The following DNAH7 variants were observed in gnomAD, a reference collection of about 807,000 sequenced individuals.
DNAH7 encodes the protein dynein axonemal heavy chain 7, also known as axonemal beta dynein heavy chain 7.
A neutral mutation model predicts 444.6 loss-of-function variants in DNAH7; 397 were observed. The observed-to-expected ratio is 0.89, with a 90% CI of 0.82 to 0.97. The LOEUF (loss-of-function observed/expected upper bound fraction) is 0.97, where lower values mean the gene tolerates loss of function less well. Among genes scored for constraint, DNAH7 ranks in the 50% least tolerant of loss-of-function variants. The probability of loss-of-function intolerance (pLI) is 0.00; values close to 1 mark genes in which losing one functional copy is unlikely to be tolerated. For synonymous variants in DNAH7, 1,636 were observed against 1,624.4 expected (o/e 1.01, Z -0.17); for missense variants, 4,902 against 4,800.8 (o/e 1.02, Z -0.62).
In DNAH7 at chr2:195,816,850, T is replaced by C. The variant is rs771253571; in HGVS notation, c.9539A>G (p.Asn3180Ser). The change falls in exon 51 of 65, where the codon AAT becomes AGT. Residue 3180 changes from asparagine (N) to serine (S), a missense_variant. By Grantham distance (46) the Asn-to-Ser change is conservative (BLOSUM62 1). Coordinates refer to ENST00000312428, the MANE Select transcript of DNAH7 (RefSeq NM_018897.3). ...TACTTCCTGCTTCTGAGAAATCTCA[T>C]TAGCCAAGGCCTTGGAGGAAGATAA... is the stretch of plus-strand genomic sequence containing the variant. ...KILSSSKALA[N>S]EISQKQEVAE... 6.2e-7 allele frequency: 1 copy of C among 1,614,156 alleles called. No individual in the cohort carries two copies. Among genetic ancestry groups the C allele is most frequent in the Non-Finnish European group, 8.5e-7 (1 of 1,180,008 alleles).
At position 195,881,859 on chromosome 2, in the gene DNAH7, G is replaced by T. The variant is rs1189729793; in HGVS notation, c.5897C>A (p.Thr1966Asn). 6.2e-7 allele frequency: 1 copy of T among 1,613,982 alleles called. No individual in the cohort carries two copies. Among genetic ancestry groups the T allele is most frequent in the African/African-American group, 1.3e-5 (1 of 75,044 alleles). ...AAATATTGAAGGCTTTTGATGGGTG[G>T]TCAGCAATTCCATTAATGCAGAGTA... ...IRYSALMELL[T>N]THQKPSIFVG... Residue 1966 changes from threonine (T) to asparagine (N), a missense_variant, in exon 36 of 65, where the codon ACC becomes AAC. Physicochemically the swap from Thr to Asn is moderately conservative, Grantham distance 65 (BLOSUM62 0). Transcript: ENST00000312428.
At chr2:196,022,249 C>T (rs1695429030) in intron 8 of DNAH7, among the ~76,000 whole-genome samples, 1 of 152,194 alleles carries the variant, frequency 6.6e-6, no homozygotes, top group Non-Finnish European at 1.5e-5. Flanking sequence ...TGGCTTCTAA[C>T]TAACCAAGCT....
chr2:195,811,698 T>C (rs1163042533), intron 51 of DNAH7, among the ~76,000 whole-genome samples: 2 of 152,122 alleles, frequency 1.3e-5, no homozygotes, highest in Non-Finnish European at 2.9e-5. Context: ...CAATGGTATG[T>C]ATATTGTGCA....
chr2:196,051,098 G>C lies in DNAH7; in HGVS notation c.141+89C>G, dbSNP rs1047486066. 61 of 1,148,130 alleles carry C rather than the reference G, an allele frequency of 5.3e-5. No homozygotes were observed. The Middle Eastern group carries it at 1.5e-3, about 29-fold the overall frequency. The allele number at this position is 1,148,130 out of a possible 1,614,324, so 71.1% of individuals were successfully genotyped here. On this transcript the variant is annotated intron_variant, in intron 3 of 64. Coordinates refer to ENST00000312428, the MANE Select transcript of DNAH7 (RefSeq NM_018897.3). ...CATCAGAAAAGAATCAAATGGAGCA[G>C]GAATTTGCTTACTTATTTTCAAGTT...
At position 195,796,714 on chromosome 2, in the gene DNAH7, G is replaced by T; in HGVS notation, c.10377C>A (p.Ser3459Arg). 2 of 1,614,092 alleles carry T rather than the reference G, an allele frequency of 1.2e-6. No homozygotes were observed. The highest frequency in any genetic ancestry group is 1.7e-6 in the Non-Finnish European group (2 of 1,179,966). The change falls in exon 56 of 65, where the codon AGC becomes AGA. Residue 3459 changes from serine to arginine, a missense_variant. Transcript: ENST00000312428. ...CTTGGCCTTGACCAAGAGATAAAGA[G>T]CTAAGTTTTGATCCCCCATATCCCT... ...DDQGYGGSKL[S>R]SLSLGQGQGP...
chr2:196,031,452 T>C (rs1575064269), intron 5 of DNAH7, among the ~76,000 whole-genome samples: 2 of 152,376 alleles, frequency 1.3e-5, no homozygotes, highest in Middle Eastern at 3.4e-3. Context: ...TTGATACTTA[T>C]GCAAATTTCT....
At chr2:195,943,804 A>G (rs1689624163) in intron 19 of DNAH7, among the ~76,000 whole-genome samples, 1 of 152,156 alleles carries the variant, frequency 6.6e-6, no homozygotes, top group Non-Finnish European at 1.5e-5. Context: ...AATATATTAA[A>G]TGATTATTCT....
intron 55 of DNAH7, among the ~76,000 whole-genome samples, chr2:195,798,895 A>G (rs1458719330): frequency 2.6e-5 from 4 of 152,048 alleles, no homozygotes; most frequent in East Asian, 1.9e-4. Flanking sequence ...ATTGTTCTGG[A>G]AAGTCAATGA....
chr2:195,873,754 C>A, intron 38 of DNAH7, 60 bp from the exon 39 acceptor site: 1 of 1,244,332 alleles, frequency 8.0e-7, no homozygotes, highest in South Asian at 2.1e-5. Flanking sequence ...AGTATTTTCT[C>A]AAATATTCTA....
chr2:195,777,870 G>GT lies in DNAH7; in HGVS notation c.10993_10994insA (p.Pro3665HisfsTer5), dbSNP rs1695134694. Reference sequence around the variant, plus strand: ...ATAGTCTGAATTTTCAACTAATTCGGGATTGAAGAATTTGTTTAGAATGCT... The same window carrying GT: ...ATAGTCTGAATTTTCAACTAATTCGGTGATTGAAGAATTTGTTTAGAATGCT... On this transcript the variant is annotated frameshift_variant, in exon 59 of 65. Coordinates refer to ENST00000312428, the MANE Select transcript of DNAH7 (RefSeq NM_018897.3). LOFTEE classifies it high-confidence loss of function. 1.2e-6 allele frequency: 2 copies of GT among 1,613,974 alleles called. No individual in the cohort carries two copies. The highest frequency in any genetic ancestry group is 2.7e-5 in the African/African-American group (2 of 74,906).
In DNAH7 at chr2:195,873,618, T is replaced by C; in HGVS notation, c.6363A>G (p.Lys2121=). The C allele has an allele frequency of 6.6e-7, 1 of 1,510,382 alleles. No homozygotes were observed. Among genetic ancestry groups the C allele is most frequent in the Non-Finnish European group, 8.9e-7 (1 of 1,127,508 alleles). 93.6% of individuals were successfully genotyped at this position (1,510,382 alleles called of 1,614,324 possible). ...NIITINEFSD[K]SMYTIFSRIL... ...TTCTAGAGAAGATTGTATACATGGA[T>C]TTATCACTAAACTCATTGATTGTTA... The change falls in exon 39 of 65, where the codon AAA becomes AAG. Residue 2121 remains lysine (K), a synonymous_variant. Coordinates refer to ENST00000312428, the MANE Select transcript of DNAH7 (RefSeq NM_018897.3).
At chr2:195,900,546 G>A (rs745783878) in intron 27 of DNAH7, 52 bp from the exon 28 acceptor site, 1 of 1,539,488 alleles carries the variant, frequency 6.5e-7, no homozygotes, top group Non-Finnish European at 9.0e-7. Context: ...AAATAAGCTA[G>A]GCATGGAAAG....
At chr2:195,766,611 G>T (rs889603529) in intron 61 of DNAH7, among the ~76,000 whole-genome samples, 1 of 151,796 alleles carries the variant, frequency 6.6e-6, no homozygotes, top group Non-Finnish European at 1.5e-5. Flanking sequence ...GAATGAAGGA[G>T]ATCTAGTATT....
intron 59 of DNAH7, among the ~76,000 whole-genome samples, chr2:195,776,340 G>C (rs1695059770): frequency 6.6e-6 from 1 of 152,124 alleles, no homozygotes; most frequent in Non-Finnish European, 1.5e-5. Context: ...CTACTCAGGA[G>C]GCTGAGACAG....
intron 53 of DNAH7, among the ~76,000 whole-genome samples, chr2:195,808,079 A>T (rs1376871816): frequency 3.3e-5 from 5 of 152,184 alleles, no homozygotes; most frequent in Admixed American, 3.3e-4. Flanking sequence ...GCAGGAAGTC[A>T]AGAGAGTAGA....
intron 12 of DNAH7, among the ~76,000 whole-genome samples, chr2:195,997,880 T>C (rs1353991824): frequency 6.6e-6 from 1 of 152,138 alleles, no homozygotes; most frequent in African/African-American, 2.4e-5. Context: ...ACTGACTCCA[T>C]CTTTATGAAT....
chr2:195,796,762 T>G, intron 55 of DNAH7, 25 bp from the exon 56 acceptor site: 3 of 1,576,800 alleles, frequency 1.9e-6, no homozygotes, highest in Non-Finnish European at 2.6e-6. Flanking sequence ...AGTAGAGATG[T>G]TATTTAAAAT....
At chr2:195,984,762 C>T (rs1331843029) in intron 14 of DNAH7, 52 bp from the exon 15 acceptor site, 6 of 1,472,872 alleles carry the variant, frequency 4.1e-6, no homozygotes, top group South Asian at 1.1e-5. Context: ...AATTTAATTC[C>T]AAAATATATT....
In DNAH7 at chr2:195,922,133, T is replaced by C; in HGVS notation, c.3890A>G (p.Asn1297Ser). The C allele has an allele frequency of 6.2e-7, 1 of 1,613,378 alleles. No homozygotes were observed. Among genetic ancestry groups the C allele is most frequent in the Non-Finnish European group, 8.5e-7 (1 of 1,179,356 alleles). Reference sequence around the variant, plus strand: ...TGGTGTAATAACCAGCCTAGGGGAATTACCCAGATATTCATATCCATATCG... The same window carrying C: ...TGGTGTAATAACCAGCCTAGGGGAACTACCCAGATATTCATATCCATATCG... ...GLRYGYEYLG[N>S]SPRLVITPLT... Residue 1297 changes from asparagine (N) to serine (S), a missense_variant, in exon 24 of 65, where the codon AAT (asparagine) becomes AGT (serine). Physicochemically the swap from Asn to Ser is conservative, Grantham distance 46 (BLOSUM62 1). Coordinates refer to ENST00000312428, the MANE Select transcript of DNAH7 (RefSeq NM_018897.3).
Sources: allele counts gnomAD v4.1 joint callset (sites outside exome capture counted in the v4.1 genomes callset), GRCh38; gene constraint gnomAD v4.1.1; transcripts MANE v1.5; gene names NCBI Gene and HGNC (gene_info 2026-07-23, HGNC 2026-07-21).